TUBGCP3: variants seen among roughly 807,000 people sequenced by gnomAD.
TUBGCP3 encodes gamma-tubulin complex component 3.
TUBGCP3 carries 50 observed loss-of-function variants against 123.1 expected under a neutral mutation model. The ratio of observed to expected loss-of-function variants is 0.41; its 90% CI spans 0.32 to 0.51. The LOEUF is 0.51. Ranked by LOEUF, TUBGCP3 falls within the 20% of genes least tolerant of loss-of-function variation. TUBGCP3 has a pLI of 0.36. For synonymous variants in TUBGCP3, 405 were observed against 413.9 expected, an observed-to-expected ratio of 0.98 and a Z score of 0.26; for missense variants, 882 against 1,127.0, an observed-to-expected ratio of 0.78 and a Z score of 3.11.
intron 17 of TUBGCP3, among the ~76,000 whole-genome samples, chr13:112,510,687 C>T (rs1217895335): frequency 6.6e-6 from 1 of 152,196 alleles, no homozygotes; most frequent in Non-Finnish European, 1.5e-5. Flanking sequence ...GCCGTCGCCA[C>T]CTCATCCCCC....
At chr13:112,499,921 A>G (rs1880792440) in intron 19 of TUBGCP3, among the ~76,000 whole-genome samples, 3 of 152,232 alleles carry the variant, frequency 2.0e-5, no homozygotes, top group Admixed American at 6.5e-5. Flanking sequence ...TTAAAAATGT[A>G]TACACAGAAA....
chr13:112,536,509 C>T (rs1011740951), intron 11 of TUBGCP3, among the ~76,000 whole-genome samples: 2 of 152,094 alleles, frequency 1.3e-5, no homozygotes, highest in African/African-American at 4.8e-5. Context: ...TCTTGCACTT[C>T]CTTGGTTAAA....
Position 112,500,083 on chromosome 13 carries a change from G to T in TUBGCP3, c.2308-898C>A, listed in dbSNP as rs1339058712. On this transcript the variant is annotated intron_variant, in intron 19 of 21. Transcript: ENST00000261965. ...AACAAAATATGAGAGGCTTTTCACGGACCACTGATGGCAGTGTGCTATGAC... is the reference window on the plus strand; with the variant it reads ...AACAAAATATGAGAGGCTTTTCACGTACCACTGATGGCAGTGTGCTATGAC... Among the ~76,000 whole-genome samples the T allele has an allele frequency of 2.0e-5, 3 of 152,144 alleles. No individual in the cohort carries two copies. The East Asian group carries it at 5.8e-4, about 29-fold the overall frequency.
the TUBGCP3 span, among the ~76,000 whole-genome samples, chr13:112,598,306 C>A: frequency 6.6e-6 from 1 of 150,954 alleles, no homozygotes; most frequent in Admixed American, 6.6e-5. Flanking sequence ...ACACTAAAGA[C>A]CATTTCCTTC....
At chr13:112,547,898 G>A in intron 9 of TUBGCP3, 146 bp from the exon 10 acceptor site, 1 of 1,123,598 alleles carries the variant, frequency 8.9e-7, no homozygotes, top group Non-Finnish European at 1.2e-6. Flanking sequence ...GTATTTTAAA[G>A]CTACCTTTAA....
At chr13:112,578,427 T>C (rs866460123) in intron 1 of TUBGCP3, among the ~76,000 whole-genome samples, 61 of 148,640 alleles carry the variant, frequency 4.1e-4, no homozygotes, top group African/African-American at 1.3e-3. Flanking sequence ...GGCGTGGTGG[T>C]GGGCGCCTGT....
At chr13:112,581,216 C>G (rs1004907845) in intron 1 of TUBGCP3, among the ~76,000 whole-genome samples, 2 of 152,138 alleles carry the variant, frequency 1.3e-5, no homozygotes, top group Non-Finnish European at 2.9e-5. Context: ...TGTCCCTATT[C>G]TAGCTAAAGC....
chr13:112,574,941 G>A (rs189066602), intron 1 of TUBGCP3, among the ~76,000 whole-genome samples: 33 of 152,324 alleles, frequency 2.2e-4, no homozygotes, highest in Admixed American at 2.0e-3. Context: ...GGGCCCAGGT[G>A]GGGAGGGAGG....
In TUBGCP3 at chr13:112,524,596, A is replaced by G. The variant is rs957781002; in HGVS notation, c.1556-2087T>C. The stretch of plus-strand genomic sequence containing the variant: ...TCTATATTGGATCACATCTATCTCT[A>G]TTCCAGGAACAATCTGGGGTCTATG... On this transcript the variant is annotated intron_variant, in intron 13 of 21. Coordinates refer to ENST00000261965, the MANE Select transcript of TUBGCP3 (RefSeq NM_006322.6). This position sits in a 1 kb window ranked among gnomAD's most constrained non-coding sequence, Gnocchi z 4.4. Among the ~76,000 whole-genome samples, 1 of 152,178 alleles carries G rather than the reference A, an allele frequency of 6.6e-6. No individual in the cohort carries two copies. The highest frequency in any genetic ancestry group is 1.5e-5 in the Non-Finnish European group (1 of 68,036).
chr13:112,568,661 C>T (rs370387709), intron 2 of TUBGCP3, among the ~76,000 whole-genome samples: 3 of 152,374 alleles, frequency 2.0e-5, no homozygotes, highest in African/African-American at 7.2e-5. Flanking sequence ...CACTGACCTT[C>T]GCGCAGGCCT....
At chr13:112,527,177 G>C in intron 12 of TUBGCP3, 127 bp from the exon 13 acceptor site, 2 of 851,556 alleles carry the variant, frequency 2.3e-6, no homozygotes, top group Admixed American at 2.4e-5. Flanking sequence ...CTACAGTATG[G>C]AGCGAATTCT....
At chr13:112,510,380 C>T (rs1363417277) in intron 17 of TUBGCP3, among the ~76,000 whole-genome samples, 2 of 152,140 alleles carry the variant, frequency 1.3e-5, no homozygotes, top group Non-Finnish European at 2.9e-5. Flanking sequence ...AAAATCACCT[C>T]CTCAACCCGT....
chr13:112,562,993 G>T (rs749474068), intron 3 of TUBGCP3, among the ~76,000 whole-genome samples: 1 of 152,032 alleles, frequency 6.6e-6, no homozygotes, highest in African/African-American at 2.4e-5. Flanking sequence ...CCCTGCCCTC[G>T]AGGCCAGAGT....
intron 8 of TUBGCP3, among the ~76,000 whole-genome samples, chr13:112,552,225 T>C (rs546175563): frequency 6.6e-6 from 1 of 152,378 alleles, no homozygotes; most frequent in East Asian, 1.9e-4. Flanking sequence ...ATCTACATAA[T>C]GGTTTAGTTA....
At chr13:112,568,551 C>A (rs1365306604) in intron 2 of TUBGCP3, among the ~76,000 whole-genome samples, 1 of 152,202 alleles carries the variant, frequency 6.6e-6, no homozygotes, top group East Asian at 1.9e-4. Flanking sequence ...CTACTGAGAC[C>A]CAAGGCCAAA....
chr13:112,517,273 T>A (rs778886314), intron 16 of TUBGCP3, among the ~76,000 whole-genome samples: 247 of 152,118 alleles, frequency 1.6e-3, no homozygotes, highest in Non-Finnish European at 2.8e-3. Flanking sequence ...TTGCCTTTTT[T>A]AAATAAATCT....
intron 17 of TUBGCP3, among the ~76,000 whole-genome samples, chr13:112,513,116 A>C (rs1040475631): frequency 6.6e-6 from 1 of 152,166 alleles, no homozygotes; most frequent in Non-Finnish European, 1.5e-5. Flanking sequence ...AAAAGCCTCC[A>C]TTCGTTCCCT....
At chr13:112,494,132 T>A (rs1880361686) in intron 20 of TUBGCP3, among the ~76,000 whole-genome samples, 1 of 151,390 alleles carries the variant, frequency 6.6e-6, no homozygotes, top group Non-Finnish European at 1.5e-5. Flanking sequence ...GGGCCTGGTG[T>A]GCCTGAGACG....
chr13:112,563,112 CA>C (rs1239807000), intron 3 of TUBGCP3, among the ~76,000 whole-genome samples: 3 of 152,204 alleles, frequency 2.0e-5, no homozygotes, highest in African/African-American at 7.2e-5. Context: ...AGCTCAGGAA[CA>C]GCACAGCACT....
Sources: allele counts gnomAD v4.1 joint callset (sites outside exome capture counted in the v4.1 genomes callset), GRCh38; gene constraint gnomAD v4.1.1; non-coding constraint Gnocchi (gnomAD v3.1); transcripts MANE v1.5; gene names NCBI Gene and HGNC (gene_info 2026-07-23, HGNC 2026-07-21).